The following UIMC1 variants were observed in gnomAD, a reference collection of about 807,000 sequenced individuals.
The protein encoded by UIMC1 is ubiquitin interaction motif containing 1.
UIMC1 carries 42 observed loss-of-function variants against 84.9 expected under a neutral mutation model. The ratio of observed to expected loss-of-function variants is 0.49; its 90% confidence interval spans 0.39 to 0.64. The LOEUF (loss-of-function observed/expected upper bound fraction) is 0.64, where lower values mean the gene tolerates loss of function less well. Among genes scored for constraint, UIMC1 ranks in the 30% least tolerant of loss-of-function variants. UIMC1 has a pLI of 0.00. For synonymous variants in UIMC1, 281 were observed against 293.0 expected (o/e 0.96, Z 0.42); for missense variants, 825 against 847.6 (o/e 0.97, Z 0.33).
chr5:176,994,750 C>T (rs1196239609), intron 1 of UIMC1, among the ~76,000 whole-genome samples: 1 of 151,270 alleles, frequency 6.6e-6, no homozygotes, highest in Non-Finnish European at 1.5e-5. Context: ...CAGTGCGAAA[C>T]TCATGGGGCA....
chr5:176,969,875 T>C, intron 4 of UIMC1, 169 bp from the exon 5 acceptor site: 3 of 626,340 alleles, frequency 4.8e-6, no homozygotes, highest in Non-Finnish European at 8.4e-6. Flanking sequence ...ATGTGCAAAG[T>C]GTTGTACTAG....
rs200428142 is a variant in UIMC1 at position 176,955,949 on chromosome 5, G to A, written c.1339+10C>T. 4.5e-5 allele frequency: 73 copies of A among 1,611,756 alleles called. No individual in the cohort carries two copies. The highest frequency in any genetic ancestry group is 5.8e-5 in the Non-Finnish European group (68 of 1,178,780). Reference sequence around the variant, plus strand: ...TCAGAAATTCAGTAAAATCACAGTGGGGTACTTACCAGGACAAACAGTGAT... The same window carrying A: ...TCAGAAATTCAGTAAAATCACAGTGAGGTACTTACCAGGACAAACAGTGAT... On this transcript the variant is annotated intron_variant, in intron 8 of 14. Coordinates refer to ENST00000511320, the MANE Select transcript of UIMC1 (RefSeq NM_001199298.2).
intron 1 of UIMC1, among the ~76,000 whole-genome samples, chr5:176,995,537 CAA>C (rs57521139): frequency 0.014 from 510 of 36,504 alleles, no homozygotes; most frequent in Non-Finnish European, 0.02. Context: ...ACTCTGTCTC[CAA>C]AAAAAAAAAA....
At chr5:177,014,870 C>A (rs905139924) in intron 1 of UIMC1, among the ~76,000 whole-genome samples, 1 of 152,076 alleles carries the variant, frequency 6.6e-6, no homozygotes, top group Non-Finnish European at 1.5e-5. Context: ...TATACTGGGT[C>A]TCTTATACCA....
chr5:176,932,858 C>CTTTT lies in UIMC1; in HGVS notation c.1597+10473_1597+10476dup, dbSNP rs749495757. 3.4e-3 allele frequency among the ~76,000 whole-genome samples: 362 copies of CTTTT among 106,622 alleles called. 9 individuals are homozygous for CTTTT. Among genetic ancestry groups the CTTTT allele is most frequent in the African/African-American group, 0.011 (261 of 22,944 alleles). 69.9% of individuals were successfully genotyped at this position (106,622 alleles called of 152,430 possible). A position where few individuals can be genotyped will look rare whatever the true frequency, so the allele number is the denominator to read the frequency against. On this transcript the variant is annotated intron_variant, in intron 10 of 14. Coordinates refer to ENST00000511320, the MANE Select transcript of UIMC1 (RefSeq NM_001199298.2). ...CTTCATCCAGTCAGCAATAGCAATGCTTTTTTTTTTTTTTTTTTTTTTTAC... is the reference window on the plus strand; with the variant it reads ...CTTCATCCAGTCAGCAATAGCAATGCTTTTTTTTTTTTTTTTTTTTTTTTTTTAC...
rs561629169 is a variant in UIMC1 at position 176,905,157 on chromosome 5, A to G, written c.*125T>C. ...AAACATAAAAACCAGAATGCTGGGT[A>G]GGTGCTGGTGGTGAAAACTGCAGGG... On this transcript the variant is annotated 3_prime_UTR_variant, in exon 15 of 15. Transcript: ENST00000511320. The G allele has an allele frequency of 6.6e-5, 56 of 854,614 alleles. No homozygotes were observed. The highest frequency in any genetic ancestry group is 9.7e-5 in the Non-Finnish European group (54 of 555,424). 52.9% of individuals were successfully genotyped at this position (854,614 alleles called of 1,614,324 possible). A position where few individuals can be genotyped will look rare whatever the true frequency, so the allele number is the denominator to read the frequency against.
intron 10 of UIMC1, among the ~76,000 whole-genome samples, chr5:176,927,708 A>G (rs1762544321): frequency 6.6e-6 from 1 of 152,122 alleles, no homozygotes; most frequent in South Asian, 2.1e-4. Context: ...ACAGAACCCT[A>G]GTTAACTACA....
intron 1 of UIMC1, among the ~76,000 whole-genome samples, chr5:177,003,446 A>C (rs1581720343): frequency 6.6e-6 from 1 of 152,168 alleles, no homozygotes; most frequent in Non-Finnish European, 1.5e-5. Flanking sequence ...CGAGGACAGG[A>C]GTTCAAGACC....
At chr5:176,956,071 A>G (rs1357025130) in intron 7 of UIMC1, 36 bp from the exon 8 acceptor site, 2 of 1,604,850 alleles carry the variant, frequency 1.2e-6, no homozygotes, top group East Asian at 4.5e-5. Context: ...AATTCCCAGT[A>G]AAATAAATCA....
At chr5:176,958,327 G>A (rs562965048) in intron 6 of UIMC1, among the ~76,000 whole-genome samples, 173 bp from the exon 7 acceptor site, 2 of 152,328 alleles carry the variant, frequency 1.3e-5, no homozygotes, top group African/African-American at 4.8e-5. Context: ...TGTAAAGTCA[G>A]AAGACTGGTA....
chr5:176,905,431 G>A lies in UIMC1; in HGVS notation c.2011C>T (p.Arg671Cys), dbSNP rs866443671. 1.3e-5 allele frequency: 21 copies of A among 1,613,990 alleles called. No individual in the cohort carries two copies. The highest frequency in any genetic ancestry group is 8.8e-5 in the South Asian group (8 of 91,088). ...ACGGGAGATTCATTTAAGTCACGAC[G>A]TGTGAAAGAACTCTGCATCTCTCTG... ...CSREMQSSFTRRDLNESPVKS... is the reference protein window; with the variant it reads ...CSREMQSSFTCRDLNESPVKS... The change falls in exon 15 of 15, where the codon CGT (arginine) becomes TGT (cysteine). Residue 671 changes from arginine to cysteine, a missense_variant. By Grantham distance (180) the Arg-to-Cys change is radical. Transcript: ENST00000511320.
chr5:176,999,543 C>T (rs887193464), intron 1 of UIMC1, among the ~76,000 whole-genome samples: 1 of 152,008 alleles, frequency 6.6e-6, no homozygotes, highest in African/African-American at 2.4e-5. Context: ...TCCCCACCTC[C>T]CCACCATCCC....
At chr5:176,950,940 T>C (rs903718158) in intron 9 of UIMC1, among the ~76,000 whole-genome samples, 1 of 151,834 alleles carries the variant, frequency 6.6e-6, no homozygotes, top group African/African-American at 2.4e-5. Context: ...CCTGTATCAA[T>C]CAGCTTTATG....
chr5:176,969,783 A>C, intron 4 of UIMC1, 77 bp from the exon 5 acceptor site: 1 of 1,196,892 alleles, frequency 8.4e-7, no homozygotes, highest in Non-Finnish European at 1.2e-6. Flanking sequence ...GAAGGACAAA[A>C]TGGGAGGCCA....
intron 6 of UIMC1, 116 bp downstream of exon 6, chr5:176,968,439 G>C (rs1768659102): frequency 1.5e-6 from 2 of 1,376,998 alleles, no homozygotes; most frequent in Middle Eastern, 2.6e-4. Flanking sequence ...TTTCTATAGT[G>C]AACATGTATT....
At chr5:176,956,131 TC>T in intron 7 of UIMC1, 96 bp from the exon 8 acceptor site, 1 of 1,142,730 alleles carries the variant, frequency 8.8e-7, no homozygotes. Context: ...CCACAGGTAA[TC>T]ACAGATACTT....
At chr5:176,954,214 G>C (rs1364625303) in intron 8 of UIMC1, among the ~76,000 whole-genome samples, 2 of 152,152 alleles carry the variant, frequency 1.3e-5, no homozygotes, top group Non-Finnish European at 2.9e-5. Context: ...CCTCCTGCAA[G>C]ATCCCATGGT....
In UIMC1 at chr5:176,969,071, T is replaced by C. The variant is rs1484123746; in HGVS notation, c.684A>G (p.Thr228=). ...TACTTTCCTGTGGCTTCCCACACTG[T>C]GTGTGCTCAGCCGAGTGGCCAGTAC... is the stretch of plus-strand genomic sequence containing the variant. ...DRCTGHSAEH[T]QCGKPQESTG... is the part of the protein sequence containing the mutation. The change falls in exon 6 of 15, where the codon ACA becomes ACG. Residue 228 remains threonine (T), a synonymous_variant. Coordinates refer to ENST00000511320, the MANE Select transcript of UIMC1 (RefSeq NM_001199298.2). 3.1e-6 allele frequency: 5 copies of C among 1,614,118 alleles called. No individual in the cohort carries two copies. The African/African-American group carries it at 6.7e-5, about 22-fold the overall frequency.
At position 176,911,367 on chromosome 5, in the gene UIMC1, C is replaced by T. The variant is rs149513554; in HGVS notation, c.1620G>A (p.Glu540=). Residue 540 remains glutamate, a synonymous_variant, in exon 11 of 15, where the codon GAG becomes GAA. Coordinates refer to ENST00000511320, the MANE Select transcript of UIMC1 (RefSeq NM_001199298.2). ...EDTVLTRRQK[E]AKTKSDSGTA... is the part of the protein sequence containing the mutation. ...TCCCACTGTCACTCTTGGTCTTGGCCTCTTTTTGTCTCCGAGTCAATACTT... is the reference window on the plus strand; with the variant it reads ...TCCCACTGTCACTCTTGGTCTTGGCTTCTTTTTGTCTCCGAGTCAATACTT... The T allele has an allele frequency of 2.0e-5, 32 of 1,593,656 alleles. No homozygotes were observed. Among genetic ancestry groups the T allele is most frequent in the Middle Eastern group, 3.3e-4 (2 of 6,000 alleles).
Sources: gnomAD v4.1 joint callset for allele counts (sites outside exome capture counted in the v4.1 genomes callset) on GRCh38, gnomAD v4.1.1 for gene constraint, MANE v1.5 for transcripts, NCBI Gene and HGNC (gene_info 2026-07-23, HGNC 2026-07-21) for gene names.